Variants in CEP120 observed in about 807,000 individuals in gnomAD.
The protein encoded by CEP120 is centrosomal protein of 120 kDa.
CEP120 carries 113 observed loss-of-function variants against 126.5 expected under a neutral mutation model. The observed-to-expected ratio is 0.89, with a 90% CI of 0.77 to 1.04. The LOEUF is 1.04. Ranked by LOEUF, CEP120 falls within the 50% of genes least tolerant of loss-of-function variation. The probability of loss-of-function intolerance (pLI) is 0.00; values close to 1 mark genes in which losing one functional copy is unlikely to be tolerated. For missense variants in CEP120, 1,230 were observed against 1,155.7 expected, an observed-to-expected ratio of 1.06 and a Z score of -0.93; for synonymous variants, 400 against 394.3, an observed-to-expected ratio of 1.01 and a Z score of -0.17.
chr5:123,360,549 T>G (rs1028338827), intron 18 of CEP120, among the ~76,000 whole-genome samples: 5 of 151,934 alleles, frequency 3.3e-5, no homozygotes, highest in African/African-American at 9.7e-5. Flanking sequence ...GAACCAGTAA[T>G]TTAAAACTTT....
intron 18 of CEP120, among the ~76,000 whole-genome samples, chr5:123,360,407 A>C (rs540642322): frequency 1.6e-4 from 25 of 151,954 alleles, no homozygotes; most frequent in Middle Eastern, 3.4e-3. Context: ...GTGACCTCAA[A>C]ATGTGTTTAC....
chr5:123,405,079 A>G (rs144591092), intron 4 of CEP120, among the ~76,000 whole-genome samples: 2 of 152,238 alleles, frequency 1.3e-5, no homozygotes, highest in African/African-American at 4.8e-5. Flanking sequence ...CAAACTAAAA[A>G]TTAACAACTC....
chr5:123,423,070 G>T lies in CEP120; in HGVS notation c.-72C>A. 1 of 1,366,196 alleles carries T rather than the reference G, an allele frequency of 7.3e-7. No homozygotes were observed. The highest frequency in any genetic ancestry group is 2.2e-4 in the Middle Eastern group (1 of 4,454). 84.6% of individuals were successfully genotyped at this position (1,366,196 alleles called of 1,614,324 possible). On this transcript the variant is annotated 5_prime_UTR_variant, in exon 1 of 20. Transcript: ENST00000306467. The stretch of plus-strand genomic sequence containing the variant: ...GGTCCAGTTGAGTCGCGGGTAATCC[G>T]GGACCCCCGGCGGGACCCCCACTGC...
chr5:123,401,445 G>C, intron 4 of CEP120: 1 of 1,325,174 alleles, frequency 7.5e-7, no homozygotes. Flanking sequence ...GTGCACCGCA[G>C]GTTATCCCCA....
At chr5:123,380,493 T>C (rs1771561687) in intron 14 of CEP120, among the ~76,000 whole-genome samples, 1 of 152,020 alleles carries the variant, frequency 6.6e-6, no homozygotes, top group South Asian at 2.1e-4. Flanking sequence ...GCTGAAAGGG[T>C]AGAAGTGTAT....
intron 19 of CEP120, among the ~76,000 whole-genome samples, chr5:123,347,051 C>G (rs943482745): frequency 3.9e-5 from 6 of 152,046 alleles, no homozygotes; most frequent in African/African-American, 1.4e-4. Context: ...CAATAAAAAT[C>G]ATCTGTAATG....
intron 19 of CEP120, among the ~76,000 whole-genome samples, 171 bp downstream of exon 19, chr5:123,349,773 G>C (rs780041764): frequency 1.1e-4 from 17 of 152,050 alleles, no homozygotes; most frequent in Non-Finnish European, 2.4e-4. Flanking sequence ...CAAAGTGCTA[G>C]GATTACAGGC....
chr5:123,364,632 A>C (rs2127002704), intron 17 of CEP120, 38 bp from the exon 18 acceptor site: 2 of 1,221,646 alleles, frequency 1.6e-6, no homozygotes, highest in East Asian at 2.4e-5. Flanking sequence ...GAAACACTAT[A>C]CCACTGTGTA....
chr5:123,405,354 A>G (rs951656825), intron 4 of CEP120, among the ~76,000 whole-genome samples: 1 of 152,378 alleles, frequency 6.6e-6, no homozygotes, highest in African/African-American at 2.4e-5. Flanking sequence ...CTCACAGTGA[A>G]TATCAGAGAA....
In CEP120 at chr5:123,399,210, T is replaced by C; in HGVS notation, c.538A>G (p.Ile180Val). 6.2e-7 allele frequency: 1 copy of C among 1,614,082 alleles called. No individual in the cohort carries two copies. Among genetic ancestry groups the C allele is most frequent in the Non-Finnish European group, 8.5e-7 (1 of 1,179,912 alleles). Reference protein sequence around the residue: ...VLNEEGGYHQIGPAEYCTDSF... With the variant: ...VLNEEGGYHQVGPAEYCTDSF... ...TCAGTACAGTATTCTGCTGGTCCAATCTGATGGTAGCCTCCCTCTTCATTC... is the reference window on the plus strand; with the variant it reads ...TCAGTACAGTATTCTGCTGGTCCAACCTGATGGTAGCCTCCCTCTTCATTC... Residue 180 changes from isoleucine to valine, a missense_variant, in exon 5 of 20, where the codon ATT (isoleucine) becomes GTT (valine). Ile to Val is a conservative substitution (Grantham distance 29). Transcript: ENST00000306467.
intron 11 of CEP120, among the ~76,000 whole-genome samples, chr5:123,383,849 C>A (rs1350707436): frequency 6.6e-6 from 1 of 152,018 alleles, no homozygotes; most frequent in East Asian, 1.9e-4. Flanking sequence ...AATACAAAAC[C>A]ATGGTTTTGT....
At chr5:123,352,369 T>G (rs191792648) in intron 18 of CEP120, among the ~76,000 whole-genome samples, 1 of 152,090 alleles carries the variant, frequency 6.6e-6, no homozygotes, top group African/African-American at 2.4e-5. Flanking sequence ...TGTCTCAATC[T>G]TGAAGATATT....
intron 7 of CEP120, 132 bp from the exon 8 acceptor site, chr5:123,390,272 C>T (rs909733487): frequency 1.3e-5 from 10 of 774,298 alleles, no homozygotes; most frequent in Admixed American, 2.0e-5. Flanking sequence ...TATTTTTCTT[C>T]GTAATTTGCA....
chr5:123,406,422 C>T (rs1773669921), intron 4 of CEP120, among the ~76,000 whole-genome samples: 1 of 150,442 alleles, frequency 6.6e-6, no homozygotes, highest in South Asian at 2.1e-4. Flanking sequence ...TGCTAGGCAT[C>T]CCATATTAAA....
intron 10 of CEP120, among the ~76,000 whole-genome samples, chr5:123,385,728 C>A (rs764142723): frequency 6.6e-6 from 1 of 151,790 alleles, no homozygotes; most frequent in African/African-American, 2.4e-5. Context: ...GTGATCCTCC[C>A]GTTTTAGCCC....
chr5:123,352,894 G>A (rs199919465), intron 18 of CEP120, among the ~76,000 whole-genome samples: 3 of 151,442 alleles, frequency 2.0e-5, no homozygotes, highest in South Asian at 4.1e-4. Flanking sequence ...TTATATTTTA[G>A]ATGGTAGAGC....
Position 123,346,697 on chromosome 5 carries a change from T to C in CEP120, c.2783A>G (p.Lys928Arg). Reference protein sequence around the residue: ...YQDSTEIASGKKDGPHGSVLE... With the variant: ...YQDSTEIASGRKDGPHGSVLE... ...TACACTGCCATGGGGGCCATCCTTT[T>C]TTCCACTTGCAATCTCTGTGGAATC... Residue 928 changes from lysine to arginine, a missense_variant, in exon 20 of 20, where the codon AAA (lysine) becomes AGA (arginine). Transcript: ENST00000306467. 1 of 1,613,482 alleles carries C rather than the reference T, an allele frequency of 6.2e-7. No individual in the cohort carries two copies. The highest frequency in any genetic ancestry group is 8.5e-7 in the Non-Finnish European group (1 of 1,179,872).
rs75744800 is a variant in CEP120, at chr5:123,386,676, TAAAAAAAAAAAA to T, written c.1431-21_1431-10del. 3.3e-6 allele frequency: 2 copies of T among 611,076 alleles called. No individual in the cohort carries two copies. Among genetic ancestry groups the T allele is most frequent in the South Asian group, 5.4e-5 (1 of 18,652 alleles). 37.9% of individuals were successfully genotyped at this position (611,076 alleles called of 1,614,324 possible). ...AGAATGGATATGAGTACCTAGAATT[TAAAAAAAAAAAA>T]AAAAAAAAAAGCCTTAATGATATGG... On this transcript the variant is annotated splice_polypyrimidine_tract_variant and intron_variant, in intron 9 of 19. Coordinates refer to ENST00000306467, the MANE Select transcript of CEP120 (RefSeq NM_001375405.1).
At chr5:123,405,139 A>C (rs954843569) in intron 4 of CEP120, among the ~76,000 whole-genome samples, 16 of 152,238 alleles carry the variant, frequency 1.1e-4, no homozygotes, top group Non-Finnish European at 1.6e-4. Flanking sequence ...GCTGCTCCCC[A>C]AAACTAAGGA....
Sources: allele counts gnomAD v4.1 joint callset (sites outside exome capture counted in the v4.1 genomes callset), GRCh38; gene constraint gnomAD v4.1.1; transcripts MANE v1.5; gene names NCBI Gene and HGNC (gene_info 2026-07-23, HGNC 2026-07-21).